The following DMD variants were observed in gnomAD, a reference collection of about 807,000 sequenced individuals.
The protein encoded by DMD is dystrophin.
In DMD, 63 loss-of-function variants were observed where a neutral mutation model predicts 330.1. That is an observed-to-expected ratio of 0.19 (90% CI 0.16 to 0.24). DMD has a LOEUF of 0.24. Ranked by LOEUF, DMD falls within the 10% of genes least tolerant of loss-of-function variation. The pLI is 1.00. For missense variants in DMD, 3,344 were observed against 2,684.1 expected, an observed-to-expected ratio of 1.25 and a Z score of -5.43; for synonymous variants, 1,223 against 959.8, an observed-to-expected ratio of 1.27 and a Z score of -5.07.
At chrX:31,721,191 A>C (rs2085445085) in intron 52 of DMD, among the ~76,000 whole-genome samples, 1 of 111,800 alleles carries the variant, frequency 8.9e-6, no homozygotes, top group African/African-American at 3.2e-5. Flanking sequence ...ATATGTGAAG[A>C]AACACATGAC....
intron 9 of DMD, among the ~76,000 whole-genome samples, chrX:32,679,477 G>A (rs2062214359): frequency 1.8e-5 from 2 of 111,164 alleles, no homozygotes; most frequent in South Asian, 7.5e-4. Flanking sequence ...CTTGTTAAGT[G>A]AATGAACAAA....
At chrX:33,216,216 T>C (rs1301938128), upstream of DMD, among the ~76,000 whole-genome samples, 1 of 112,015 alleles carries the variant, frequency 8.9e-6, no homozygotes, top group Middle Eastern at 4.2e-3. Context: ...CAGTGTTTTG[T>C]AGTTCTCCTT....
rs749327736 is a variant in DMD at position 31,608,321 on chromosome X, C to T, written c.8217+19352G>A. Reference sequence around the variant, plus strand: ...TTTAGTACAGAAGTGTGTGTATCATCTCAAGATTGGCGGTAACACATGTTA... The same window carrying T: ...TTTAGTACAGAAGTGTGTGTATCATTTCAAGATTGGCGGTAACACATGTTA... On this transcript the variant is annotated intron_variant, in intron 55 of 78. Transcript: ENST00000357033. Among the ~76,000 whole-genome samples, 186 of 111,541 alleles carry T rather than the reference C, an allele frequency of 1.7e-3. 3 individuals carry two copies. Among genetic ancestry groups the T allele is most frequent in the African/African-American group, 5.7e-3 (175 of 30,772 alleles).
At chrX:32,258,099 C>G (rs1259865917) in intron 43 of DMD, among the ~76,000 whole-genome samples, 3 of 111,456 alleles carry the variant, frequency 2.7e-5, no homozygotes, top group Non-Finnish European at 5.6e-5. Context: ...GAATGCAAAT[C>G]AAAACCACAA....
At chrX:32,850,140 G>A (rs1370748507) in intron 2 of DMD, among the ~76,000 whole-genome samples, 1 of 111,446 alleles carries the variant, frequency 9.0e-6, no homozygotes, top group Non-Finnish European at 1.9e-5. Flanking sequence ...AGGCAGTTAC[G>A]GGTAAAGGGA....
chrX:32,561,442 A>C (rs2050991497), intron 16 of DMD, among the ~76,000 whole-genome samples: 2 of 111,918 alleles, frequency 1.8e-5, no homozygotes, highest in Non-Finnish European at 1.9e-5. Flanking sequence ...TAAGACAGGC[A>C]GAAAAGATTA....
chrX:32,135,047 CAT>C (rs1327028115), intron 44 of DMD, among the ~76,000 whole-genome samples: 3 of 111,978 alleles, frequency 2.7e-5, no homozygotes, highest in African/African-American at 9.7e-5. Context: ...CCAAAAAACA[CAT>C]ATCTCTTCAT....
intron 49 of DMD, among the ~76,000 whole-genome samples, chrX:31,833,297 AGAGG>A (rs763221795): frequency 0.02 from 387 of 18,947 alleles, 9 homozygotes; most frequent in East Asian, 0.083. Context: ...AGAGAGGGAG[AGAGG>A]GAGAGAGGGA....
intron 43 of DMD, among the ~76,000 whole-genome samples, chrX:32,242,413 A>C (rs904554986): frequency 8.9e-6 from 1 of 111,849 alleles, no homozygotes; most frequent in African/African-American, 3.2e-5. Flanking sequence ...AGCCAATAGA[A>C]TCATTCTGCA....
At chrX:31,282,411 C>T (rs1187266530) in intron 62 of DMD, among the ~76,000 whole-genome samples, 1 of 110,566 alleles carries the variant, frequency 9.0e-6, no homozygotes, top group African/African-American at 3.3e-5. Context: ...TTGATGACAC[C>T]GGTTATATTT....
At chrX:32,837,461 C>T (rs1050799060) in intron 4 of DMD, among the ~76,000 whole-genome samples, 2 of 111,151 alleles carry the variant, frequency 1.8e-5, no homozygotes, top group African/African-American at 3.3e-5. Context: ...TGTCCAGTGG[C>T]GCTCTCCCAA....
chrX:33,196,552 A>ACCTCTGT (rs2050950589), intron 1 of DMD, among the ~76,000 whole-genome samples: 1 of 112,133 alleles, frequency 8.9e-6, no homozygotes, highest in African/African-American at 3.2e-5. Context: ...CTTTTGATCT[A>ACCTCTGT]TGTATCTGTT....
At chrX:32,558,938 C>CTTTTTTTTTTTTTTTTTTTTTTTTTT (rs60739281) in intron 16 of DMD, among the ~76,000 whole-genome samples, 2 of 50,828 alleles carry the variant, frequency 3.9e-5, no homozygotes, top group African/African-American at 2.1e-4. Context: ...TTCAAATTTT[C>CTTTTTTTTTTTTTTTTTTTTTTTTTT]TTTTTTTTTT....
At position 33,041,849 on chromosome X, in the gene DMD, ATTTC is replaced by A. The variant is rs1706677386; in HGVS notation, c.32-21653_32-21650del. The stretch of plus-strand genomic sequence containing the variant: ...ATTGTTTTTATCTGGTTACATATAT[ATTTC>A]TTTGTCTAATTTAATATGTCAAATA... On this transcript the variant is annotated intron_variant, in intron 1 of 78. Coordinates refer to ENST00000357033, the MANE Select transcript of DMD (RefSeq NM_004006.3). 4.9e-6 allele frequency: 3 copies of A among 609,480 alleles called. No homozygotes were observed. In the East Asian group the frequency reaches 1.1e-4, roughly 22 times the overall value. 50.2% of individuals were successfully genotyped at this position (609,480 alleles called of 1,213,427 possible).
At chrX:32,783,439 AT>A (rs1285384377) in intron 7 of DMD, among the ~76,000 whole-genome samples, 1 of 107,817 alleles carries the variant, frequency 9.3e-6, no homozygotes, top group Non-Finnish European at 1.9e-5. Flanking sequence ...TCCAAAAAAA[AT>A]AAATTGTTTC....
chrX:32,856,160 C>CA lies in DMD; in HGVS notation c.94-6341dup, dbSNP rs752000430. Reference sequence around the variant, plus strand: ...CTTATATCCAACAGACAGGCAACATCAATGCTGATGCGGCTGTGTGGAAAA... The same window carrying CA: ...CTTATATCCAACAGACAGGCAACATCAAATGCTGATGCGGCTGTGTGGAAAA... On this transcript the variant is annotated intron_variant, in intron 2 of 78. Coordinates refer to ENST00000357033, the MANE Select transcript of DMD (RefSeq NM_004006.3). Among the ~76,000 whole-genome samples the CA allele has an allele frequency of 2.3e-3, 255 of 111,987 alleles. 2 individuals carry two copies. Among genetic ancestry groups the CA allele is most frequent in the African/African-American group, 8.0e-3 (246 of 30,821 alleles).
intron 2 of DMD, among the ~76,000 whole-genome samples, chrX:33,012,814 G>C (rs1464523364): frequency 9.0e-6 from 1 of 111,123 alleles, no homozygotes; most frequent in African/African-American, 3.3e-5. Context: ...GTATATTAAA[G>C]GCATTTTTGA....
chrX:31,747,521 G>C (rs906312614), intron 51 of DMD, among the ~76,000 whole-genome samples: 4 of 111,332 alleles, frequency 3.6e-5, no homozygotes, highest in Admixed American at 1.9e-4. Context: ...TATAAAAATG[G>C]GTCTACATTA....
At chrX:32,702,282 T>C (rs920752154) in intron 7 of DMD, among the ~76,000 whole-genome samples, 1 of 112,030 alleles carries the variant, frequency 8.9e-6, no homozygotes, top group African/African-American at 3.2e-5. Context: ...TAAAATCATA[T>C]AATATTGGAG....
Sources: allele counts gnomAD v4.1 joint callset (sites outside exome capture counted in the v4.1 genomes callset), GRCh38; gene constraint gnomAD v4.1.1; transcripts MANE v1.5; gene names NCBI Gene and HGNC (gene_info 2026-07-23, HGNC 2026-07-21).